The following MIPEP variants were observed in gnomAD, a reference collection of about 807,000 sequenced individuals.
The protein encoded by MIPEP is mitochondrial intermediate peptidase.
In MIPEP, 79 loss-of-function variants were observed where a neutral mutation model predicts 90.3. The ratio of observed to expected loss-of-function variants is 0.87; its 90% CI spans 0.73 to 1.05. The LOEUF (loss-of-function observed/expected upper bound fraction) is 1.05, where lower values mean the gene tolerates loss of function less well. Ranked by LOEUF, MIPEP falls within the 50% of genes least tolerant of loss-of-function variation. The pLI, the probability that MIPEP is intolerant of heterozygous loss-of-function variation, is 0.00. For missense variants in MIPEP, 940 were observed against 905.6 expected (o/e 1.04, Z -0.49); for synonymous variants, 334 against 315.8 (o/e 1.06, Z -0.61).
chr13:23,785,204 G>C (rs953242674), intron 16 of MIPEP, among the ~76,000 whole-genome samples: 13 of 152,094 alleles, frequency 8.5e-5, no homozygotes, highest in Non-Finnish European at 8.8e-5. Context: ...GTTTATTGCG[G>C]CACTATTCAC....
chr13:23,741,458 T>C (rs1018905514), intron 18 of MIPEP, among the ~76,000 whole-genome samples: 2 of 151,832 alleles, frequency 1.3e-5, no homozygotes, highest in Non-Finnish European at 2.9e-5. Flanking sequence ...AAAGAAAATG[T>C]GGTACATACA....
At chr13:23,786,486 A>G (rs2137369672) in intron 16 of MIPEP, among the ~76,000 whole-genome samples, 1 of 152,324 alleles carries the variant, frequency 6.6e-6, no homozygotes, top group African/African-American at 2.4e-5. Flanking sequence ...TTAAAAAATC[A>G]TAAAAGATGA....
Position 23,756,591 on chromosome 13 carries a change from C to T in MIPEP, c.1998G>A (p.Glu666=), listed in dbSNP as rs1299794214. 1.2e-6 allele frequency: 2 copies of T among 1,613,824 alleles called. No individual in the cohort carries two copies. The highest frequency in any genetic ancestry group is 4.5e-5 in the East Asian group (2 of 44,894). ...CCCTGCCTCCACCGTGGGCCAGCAT[C>T]TCCCTGCGATAGCGCTCCCCGGCAG... The part of the protein sequence containing the change: ...NRAAGERYRR[E]MLAHGGGREP... Residue 666 remains glutamate, a synonymous_variant, in exon 18 of 19, where the codon GAG becomes GAA. Transcript: ENST00000382172.
rs573748458 is a variant in MIPEP, at chr13:23,779,469, G to T, written c.1849-19252C>A. ...AACAAATACATTTAAAAAGGTGTATGGGGGGGGCAGTTCCAAGATGGACGA... is the reference window on the plus strand; with the variant it reads ...AACAAATACATTTAAAAAGGTGTATTGGGGGGGCAGTTCCAAGATGGACGA... On this transcript the variant is annotated intron_variant, in intron 16 of 18. Coordinates refer to ENST00000382172, the MANE Select transcript of MIPEP (RefSeq NM_005932.4). 5.4e-5 allele frequency among the ~76,000 whole-genome samples: 8 copies of T among 149,480 alleles called. No homozygotes were observed. In the South Asian group the frequency reaches 6.3e-4, roughly 12 times the overall value.
At chr13:23,831,406 T>A in intron 14 of MIPEP, among the ~76,000 whole-genome samples, 1 of 120,540 alleles carries the variant, frequency 8.3e-6, no homozygotes, top group Non-Finnish European at 1.7e-5. Flanking sequence ...TGGATGGGAA[T>A]TGCCTTACTG....
At chr13:23,770,221 G>C (rs1952634005) in intron 16 of MIPEP, among the ~76,000 whole-genome samples, 1 of 152,090 alleles carries the variant, frequency 6.6e-6, no homozygotes, top group African/African-American at 2.4e-5. Flanking sequence ...TTCACTTCCT[G>C]TCACTCTCCC....
At chr13:23,787,922 A>C (rs9580755) in intron 16 of MIPEP, among the ~76,000 whole-genome samples, 11,967 of 152,202 alleles carry the variant, frequency 0.079, 1,572 homozygotes, top group African/African-American at 0.27. Context: ...CTTCAGGTAA[A>C]AAAGGGTCCC....
At chr13:23,827,764 T>G (rs1432018042) in intron 14 of MIPEP, among the ~76,000 whole-genome samples, 1 of 152,136 alleles carries the variant, frequency 6.6e-6, no homozygotes, top group Non-Finnish European at 1.5e-5. Context: ...AAACCCCACC[T>G]CTACTAAAAT....
chr13:23,846,151 G>C (rs1262949141), intron 10 of MIPEP, among the ~76,000 whole-genome samples: 3 of 151,982 alleles, frequency 2.0e-5, no homozygotes, highest in Non-Finnish European at 4.4e-5. Flanking sequence ...TTGACCTCCT[G>C]ATCTGTCTTG....
In MIPEP at chr13:23,796,041, C is replaced by T. The variant is rs1952955923; in HGVS notation, c.1848+9909G>A. On this transcript the variant is annotated intron_variant, in intron 16 of 18. Coordinates refer to ENST00000382172, the MANE Select transcript of MIPEP (RefSeq NM_005932.4). ...AATATGCTTGAGTGTTTAAATGTCACCTATCTTCATATATTATATATATAT... is the reference window on the plus strand; with the variant it reads ...AATATGCTTGAGTGTTTAAATGTCATCTATCTTCATATATTATATATATAT... 2.0e-5 allele frequency among the ~76,000 whole-genome samples: 3 copies of T among 152,178 alleles called. No homozygotes were observed. In the South Asian group the frequency reaches 6.2e-4, roughly 32 times the overall value.
At chr13:23,745,682 C>T (rs182466693) in intron 18 of MIPEP, among the ~76,000 whole-genome samples, 1 of 152,250 alleles carries the variant, frequency 6.6e-6, no homozygotes, top group East Asian at 1.9e-4. Context: ...AACACTGGCA[C>T]TCTGGGAGGC....
intron 12 of MIPEP, among the ~76,000 whole-genome samples, chr13:23,839,259 C>T (rs149303334): frequency 6.6e-6 from 1 of 152,330 alleles, no homozygotes; most frequent in East Asian, 1.9e-4. Flanking sequence ...AGTCCTAGCA[C>T]TTCTGGCCAA....
intron 4 of MIPEP, among the ~76,000 whole-genome samples, chr13:23,876,202 C>T (rs7982379): frequency 6.6e-6 from 1 of 151,964 alleles, no homozygotes; most frequent in African/African-American, 2.4e-5. Context: ...CAAACCAGAA[C>T]TACTATTCTT....
intron 5 of MIPEP, among the ~76,000 whole-genome samples, chr13:23,871,208 G>A (rs1292797769): frequency 6.6e-6 from 1 of 152,210 alleles, no homozygotes; most frequent in East Asian, 1.9e-4. Context: ...ATGAGGACGT[G>A]GATGGTGCGG....
At chr13:23,761,555 A>T (rs140078821) in intron 16 of MIPEP, among the ~76,000 whole-genome samples, 2 of 152,342 alleles carry the variant, frequency 1.3e-5, no homozygotes, top group East Asian at 3.9e-4. Context: ...TTCCACTGGA[A>T]ACTTCTTTTC....
intron 16 of MIPEP, among the ~76,000 whole-genome samples, chr13:23,762,816 C>G (rs902502183): frequency 6.6e-6 from 1 of 152,190 alleles, no homozygotes; most frequent in Admixed American, 6.5e-5. Flanking sequence ...CACCCCCAAA[C>G]AGTACCATGA....
intron 7 of MIPEP, among the ~76,000 whole-genome samples, chr13:23,867,549 C>T (rs1397690493): frequency 6.6e-6 from 1 of 152,156 alleles, no homozygotes; most frequent in Non-Finnish European, 1.5e-5. Context: ...CTACTTATTT[C>T]GTTCTTTACT....
chr13:23,760,046 G>T, intron 17 of MIPEP, 50 bp downstream of exon 17: 1 of 1,610,974 alleles, frequency 6.2e-7, no homozygotes, highest in South Asian at 1.1e-5. Flanking sequence ...TAATAGAGTG[G>T]GGAATTACTG....
chr13:23,857,901 ATGCATAG>A (rs1305795799), intron 10 of MIPEP, among the ~76,000 whole-genome samples: 2 of 152,214 alleles, frequency 1.3e-5, no homozygotes, highest in African/African-American at 4.8e-5. Context: ...TGCTTCAATA[ATGCATAG>A]TAATAAAAAT....
Sources: gnomAD v4.1 joint callset for allele counts (sites outside exome capture counted in the v4.1 genomes callset) on GRCh38, gnomAD v4.1.1 for gene constraint, MANE v1.5 for transcripts, NCBI Gene and HGNC (gene_info 2026-07-23, HGNC 2026-07-21) for gene names.